Variants in ULK4 observed in about 807,000 individuals in gnomAD.
ULK4 encodes unc-51 like kinase 4.
In ULK4, 133 loss-of-function variants were observed where a neutral mutation model predicts 160.6. That is an observed-to-expected ratio of 0.83 (90% CI 0.72 to 0.96). The LOEUF (loss-of-function observed/expected upper bound fraction) is 0.96. Among genes scored for constraint, ULK4 ranks in the 40% least tolerant of loss-of-function variants. The pLI, the probability that ULK4 is intolerant of heterozygous loss-of-function variation, is 0.00. For synonymous variants in ULK4, 534 were observed against 539.8 expected (o/e 0.99, Z 0.15); for missense variants, 1,580 against 1,499.5 (o/e 1.05, Z -0.89).
At chr3:41,850,168 T>C (rs9854954) in intron 17 of ULK4, among the ~76,000 whole-genome samples, 27,723 of 152,138 alleles carry the variant, frequency 0.18, 2,606 homozygotes, top group Middle Eastern at 0.32. Flanking sequence ...TGCATAGTAT[T>C]CCATGGTGTA....
At chr3:41,942,587 G>A (rs1490958191) in intron 2 of ULK4, among the ~76,000 whole-genome samples, 1 of 152,060 alleles carries the variant, frequency 6.6e-6, no homozygotes, top group Non-Finnish European at 1.5e-5. Flanking sequence ...GGAGGCCAAG[G>A]CAGGTGGATC....
At chr3:41,453,199 A>G in intron 34 of ULK4, among the ~76,000 whole-genome samples, 1 of 152,000 alleles carries the variant, frequency 6.6e-6, no homozygotes, top group East Asian at 1.9e-4. Flanking sequence ...ACAGGGTCTC[A>G]CTCTTTCACT....
chr3:41,663,930 A>G (rs1277373847), intron 29 of ULK4, among the ~76,000 whole-genome samples: 2 of 152,194 alleles, frequency 1.3e-5, no homozygotes, highest in Non-Finnish European at 2.9e-5. Context: ...AGGAAAAACA[A>G]CTCAGTAGTT....
chr3:41,819,312 G>A, intron 19 of ULK4, 111 bp downstream of exon 19: 1 of 932,226 alleles, frequency 1.1e-6, no homozygotes, highest in Non-Finnish European at 1.6e-6. Context: ...AAATTCAGGA[G>A]CAATACTTGG....
chr3:41,510,287 C>A (rs2125923384), intron 32 of ULK4, among the ~76,000 whole-genome samples: 1 of 152,188 alleles, frequency 6.6e-6, no homozygotes, highest in Non-Finnish European at 1.5e-5. Flanking sequence ...ATATCACAAT[C>A]CTAAATATGT....
At chr3:41,450,702 A>G (rs2083407186) in intron 34 of ULK4, among the ~76,000 whole-genome samples, 1 of 152,166 alleles carries the variant, frequency 6.6e-6, no homozygotes, top group East Asian at 1.9e-4. Flanking sequence ...TTTATCAACC[A>G]CTGTAAAATT....
At chr3:41,270,713 T>A (rs368096650) in intron 35 of ULK4, among the ~76,000 whole-genome samples, 5 of 152,208 alleles carry the variant, frequency 3.3e-5, no homozygotes, top group Admixed American at 3.3e-4. Flanking sequence ...ACTACTAATG[T>A]CCTCATTTTA....
At chr3:41,366,904 T>C (rs2081265141) in intron 35 of ULK4, among the ~76,000 whole-genome samples, 1 of 152,202 alleles carries the variant, frequency 6.6e-6, no homozygotes, top group African/African-American at 2.4e-5. Flanking sequence ...GTTCTTAACA[T>C]TTCTCTCACT....
chr3:41,644,203 G>GTCC (rs1300379376), intron 30 of ULK4, among the ~76,000 whole-genome samples: 7 of 151,616 alleles, frequency 4.6e-5, no homozygotes, highest in Non-Finnish European at 1.0e-4. Context: ...CTGCCTAATT[G>GTCC]TCCTGGCCAG....
At chr3:41,682,049 A>G (rs1412069791) in intron 27 of ULK4, among the ~76,000 whole-genome samples, 1 of 152,232 alleles carries the variant, frequency 6.6e-6, no homozygotes, top group Non-Finnish European at 1.5e-5. Context: ...CAAAACCTTC[A>G]GGGTCTATGA....
At chr3:41,690,292 G>T (rs2036250349) in intron 27 of ULK4, among the ~76,000 whole-genome samples, 1 of 151,430 alleles carries the variant, frequency 6.6e-6, no homozygotes, top group Admixed American at 6.6e-5. Flanking sequence ...GGACTGTTGT[G>T]GGGTAGGGGG....
At chr3:41,830,957 T>C (rs1292460086) in intron 18 of ULK4, among the ~76,000 whole-genome samples, 1 of 152,052 alleles carries the variant, frequency 6.6e-6, no homozygotes, top group Non-Finnish European at 1.5e-5. Flanking sequence ...GAAAAGTGCC[T>C]TTCACAAAAC....
At chr3:41,801,699 A>T (rs1231947764) in intron 19 of ULK4, among the ~76,000 whole-genome samples, 1 of 152,024 alleles carries the variant, frequency 6.6e-6, no homozygotes, top group African/African-American at 2.4e-5. Flanking sequence ...AAAGTTTTAA[A>T]AATTGGCCAG....
Position 41,715,466 on chromosome 3 carries a change from A to G in ULK4, c.2558T>C (p.Leu853Pro). ...KLCLPLMPVV[L>P]HLVTSQVFRP... ...TAGTACCTGTGAAGTTACGAGGTGA[A>G]GCACTACAGGCATCAGGGGGAGACA... The change falls in exon 24 of 37, where the codon CTT (leucine) becomes CCT (proline). Residue 853 changes from leucine (L) to proline (P), a missense_variant. Coordinates refer to ENST00000301831, the MANE Select transcript of ULK4 (RefSeq NM_017886.4). 3.1e-6 allele frequency: 5 copies of G among 1,614,178 alleles called. No individual in the cohort carries two copies. The highest frequency in any genetic ancestry group is 4.2e-6 in the Non-Finnish European group (5 of 1,180,008).
intron 35 of ULK4, among the ~76,000 whole-genome samples, chr3:41,353,607 A>G (rs2080957712): frequency 6.6e-6 from 1 of 151,952 alleles, no homozygotes; most frequent in African/African-American, 2.4e-5. Context: ...GTTCAAGGTT[A>G]CAGTCAGCTA....
At chr3:41,698,291 CTTTT>C (rs1226825021) in intron 27 of ULK4, among the ~76,000 whole-genome samples, 1 of 151,976 alleles carries the variant, frequency 6.6e-6, no homozygotes, top group Non-Finnish European at 1.5e-5. Context: ...AAATTTGAAA[CTTTT>C]TTTTCTCTTT....
At chr3:41,501,143 A>G (rs1232856972) in intron 32 of ULK4, among the ~76,000 whole-genome samples, 2 of 152,206 alleles carry the variant, frequency 1.3e-5, no homozygotes, top group Non-Finnish European at 2.9e-5. Flanking sequence ...GACTTCACAC[A>G]CTGCTGGTAA....
At chr3:41,266,413 AGAG>A (rs1167669492) in intron 35 of ULK4, among the ~76,000 whole-genome samples, 1 of 152,308 alleles carries the variant, frequency 6.6e-6, no homozygotes, top group East Asian at 1.9e-4. Flanking sequence ...TTTGCAGAGC[AGAG>A]AAGGATGCAT....
chr3:41,940,454 T>A (rs761751667), intron 2 of ULK4, among the ~76,000 whole-genome samples: 21 of 152,046 alleles, frequency 1.4e-4, no homozygotes, highest in Non-Finnish European at 2.9e-4. Flanking sequence ...GTAACAGTTT[T>A]AACACAAGCC....
Sources: allele counts gnomAD v4.1 joint callset (sites outside exome capture counted in the v4.1 genomes callset), GRCh38; gene constraint gnomAD v4.1.1; transcripts MANE v1.5; gene names NCBI Gene and HGNC (gene_info 2026-07-23, HGNC 2026-07-21).